The following UNK variants were observed in gnomAD, a reference collection of about 807,000 sequenced individuals.
The protein encoded by UNK is unk zinc finger, also known as RING finger protein unkempt homolog.
In UNK, 32 loss-of-function variants were observed where a neutral mutation model predicts 97.6. That is an observed-to-expected ratio of 0.33 (90% CI 0.25 to 0.44). The LOEUF is 0.44. Ranked by LOEUF, UNK falls within the 20% of genes least tolerant of loss-of-function variation. UNK has a pLI of 1.00. For synonymous variants in UNK, 441 were observed against 461.2 expected, an observed-to-expected ratio of 0.96 and a Z score of 0.56; for missense variants, 771 against 1,098.4, an observed-to-expected ratio of 0.70 and a Z score of 4.21.
intron 1 of UNK, among the ~76,000 whole-genome samples, chr17:75,803,565 C>T (rs547384669): frequency 4.9e-4 from 74 of 152,270 alleles, no homozygotes; most frequent in Admixed American, 3.2e-3. Context: ...ATTTACAAAA[C>T]TTGTGAAAAT....
Position 75,816,919 on chromosome 17 carries a change from G to A in UNK, c.1104+7G>A. On this transcript the variant is annotated splice_region_variant and intron_variant, in intron 8 of 15. Transcript: ENST00000589666. The surrounding 1 kb of genome is among the most constrained non-coding windows in gnomAD (Gnocchi z 4.0). Reference sequence around the variant, plus strand: ...TGCCCCTGACCTCAGTGCCGTACGTGTCCATCCTGGGGAGTGGGTGGGCAC... The same window carrying A: ...TGCCCCTGACCTCAGTGCCGTACGTATCCATCCTGGGGAGTGGGTGGGCAC... 6.3e-7 allele frequency: 1 copy of A among 1,598,530 alleles called. No individual in the cohort carries two copies. The highest frequency in any genetic ancestry group is 1.3e-5 in the African/African-American group (1 of 74,940).
At chr17:75,788,506 TTTTA>T (rs1201903868) in intron 1 of UNK, among the ~76,000 whole-genome samples, 2 of 151,962 alleles carry the variant, frequency 1.3e-5, no homozygotes, top group South Asian at 2.1e-4. Context: ...CTTTTTAAAC[TTTTA>T]TTTATTTATT....
chr17:75,802,375 A>C (rs1245874376), intron 1 of UNK, among the ~76,000 whole-genome samples: 1 of 146,108 alleles, frequency 6.8e-6, no homozygotes, highest in East Asian at 2.0e-4. Context: ...CTTTCACTTC[A>C]GCCTCCCAAG....
At chr17:75,785,190 C>G in intron 1 of UNK, 2 of 512,184 alleles carry the variant, frequency 3.9e-6, no homozygotes, top group Non-Finnish European at 6.8e-6. Context: ...GGGCGGGAAA[C>G]TCGGTCCCGG....
Position 75,816,134 on chromosome 17 carries a change from C to T in UNK, c.962-636C>T, listed in dbSNP as rs568966821. On this transcript the variant is annotated intron_variant, in intron 7 of 15. Transcript: ENST00000589666. The surrounding 1 kb of genome is among the most constrained non-coding windows in gnomAD (Gnocchi z 4.0). ...GGGCTCAGTAGCCACATGTGGCTTT[C>T]GGCTGCCTTGTGGGACAGTGTGGGT... Among the ~76,000 whole-genome samples the T allele has an allele frequency of 5.3e-4, 81 of 152,282 alleles. No homozygotes were observed. The East Asian group carries it at 0.013, about 25-fold the overall frequency.
intron 1 of UNK, 125 bp downstream of exon 1, chr17:75,785,109 C>G: frequency 1.6e-6 from 1 of 641,084 alleles, no homozygotes; most frequent in East Asian, 3.2e-5. Context: ...CGGCCCGGCC[C>G]AGACCGGTTC....
chr17:75,812,545 C>T lies in UNK; in HGVS notation c.582C>T (p.Ala194=), dbSNP rs755832815. The T allele has an allele frequency of 9.9e-6, 16 of 1,613,210 alleles. No homozygotes were observed. In the East Asian group the frequency reaches 3.3e-4, roughly 34 times the overall value. ...AGTCGGCTGGGGCTGCGAGCCATGC[C>T]ATGATAGAAAAGATCCTCAGCGAGG... ...EGQSAGAASH[A]MIEKILSEEP... is the part of the protein sequence containing the mutation. The change falls in exon 4 of 16, where the codon GCC becomes GCT. Residue 194 remains alanine (A), a synonymous_variant. Transcript: ENST00000589666.
intron 1 of UNK, among the ~76,000 whole-genome samples, chr17:75,803,749 C>T (rs2061884981): frequency 1.3e-5 from 2 of 152,200 alleles, no homozygotes; most frequent in South Asian, 4.1e-4. Context: ...ATGTGCCCTG[C>T]CGCGCAGTAG....
In UNK at chr17:75,822,441, C is replaced by G. The variant is rs757052631; in HGVS notation, c.1838-36C>G. The G allele has an allele frequency of 3.8e-6, 6 of 1,573,560 alleles. No individual in the cohort carries two copies. In the East Asian group the frequency reaches 1.4e-4, roughly 36 times the overall value. ...GCTGGCCAGGGCCTGGGCCCAAAGC[C>G]CTCCGGAGCTGATGTTCTTCCCCTC... On this transcript the variant is annotated intron_variant, in intron 13 of 15. Transcript: ENST00000589666.
chr17:75,786,369 A>C (rs995222481), intron 1 of UNK, among the ~76,000 whole-genome samples: 2 of 152,226 alleles, frequency 1.3e-5, no homozygotes, highest in African/African-American at 2.4e-5. Flanking sequence ...TGTTTTTAGC[A>C]AAATAAACAC....
rs1280333565 is a variant in UNK, at chr17:75,818,568, CCCTCTCCAG to C, written c.1372-67_1372-59del. The C allele has an allele frequency of 8.7e-6, 13 of 1,492,106 alleles. No individual in the cohort carries two copies. The highest frequency in any genetic ancestry group is 1.4e-5 in the African/African-American group (1 of 71,590). 92.4% of individuals were successfully genotyped at this position (1,492,106 alleles called of 1,614,324 possible). A position where few individuals can be genotyped will look rare whatever the true frequency, so the allele number is the denominator to read the frequency against. On this transcript the variant is annotated intron_variant, in intron 10 of 15. Transcript: ENST00000589666. The surrounding 1 kb of genome is among the most constrained non-coding windows in gnomAD (Gnocchi z 5.1). Reference sequence around the variant, plus strand: ...ACGGGCCATTTCCCTTGCCCCCAGCCCCTCTCCAGCCTCTCGTCCTGGCCTCCGTATGCA... The same window carrying C: ...ACGGGCCATTTCCCTTGCCCCCAGCCCCTCTCGTCCTGGCCTCCGTATGCA...
Position 75,819,597 on chromosome 17 carries a change from C to A in UNK, c.1547-87C>A. The A allele has an allele frequency of 2.4e-6, 3 of 1,234,904 alleles. No homozygotes were observed. Among genetic ancestry groups the A allele is most frequent in the Admixed American group, 1.7e-5 (1 of 57,862 alleles). 76.5% of individuals were successfully genotyped at this position (1,234,904 alleles called of 1,614,324 possible). A position where few individuals can be genotyped will look rare whatever the true frequency, so the allele number is the denominator to read the frequency against. On this transcript the variant is annotated intron_variant, in intron 11 of 15. Coordinates refer to ENST00000589666, the MANE Select transcript of UNK (RefSeq NM_001080419.3). This position sits in a 1 kb window ranked among gnomAD's most constrained non-coding sequence, Gnocchi z 5.4. ...GAATACGGACCCAGCGTAGCATGGG[C>A]GTGAAGATGCAGCGTGGGCAGTAGA...
chr17:75,824,306 A>G lies in UNK; in HGVS notation c.2322A>G (p.Glu774=). The G allele has an allele frequency of 6.2e-7, 1 of 1,604,856 alleles. No homozygotes were observed. The highest frequency in any genetic ancestry group is 8.5e-7 in the Non-Finnish European group (1 of 1,176,420). ...CGGTGAAATGCCTTAAGTGTCAGGA[A>G]CAGAAGCGGGCAGTGCTGCCGTGCC... ...MQSVKCLKCQ[E]QKRAVLPCQH... The change falls in exon 16 of 16, where the codon GAA becomes GAG. Residue 774 remains glutamate, a synonymous_variant. Transcript: ENST00000589666. This position sits in a 1 kb window ranked among gnomAD's most constrained non-coding sequence, Gnocchi z 4.9.
intron 1 of UNK, among the ~76,000 whole-genome samples, chr17:75,799,074 A>AC (rs2061833060): frequency 6.6e-6 from 1 of 151,582 alleles, no homozygotes. Context: ...TCAAAAACAA[A>AC]AAAAAAAAAG....
rs74585148 is a variant in UNK at position 75,816,350 on chromosome 17, T to C, written c.962-420T>C. The stretch of plus-strand genomic sequence containing the variant: ...GGCCCTGGGCGGGAGAAGCATATTC[T>C]TGATGCAGAGGTGGTCCCCGGCCAT... On this transcript the variant is annotated intron_variant, in intron 7 of 15. Coordinates refer to ENST00000589666, the MANE Select transcript of UNK (RefSeq NM_001080419.3). This position sits in a 1 kb window ranked among gnomAD's most constrained non-coding sequence, Gnocchi z 4.0. 6.6e-6 allele frequency among the ~76,000 whole-genome samples: 1 copy of C among 152,190 alleles called. No homozygotes were observed. Among genetic ancestry groups the C allele is most frequent in the Non-Finnish European group, 1.5e-5 (1 of 68,040 alleles).
intron 14 of UNK, 48 bp from the exon 15 acceptor site, chr17:75,823,217 A>AGGGGC (rs745438363): frequency 2.6e-6 from 4 of 1,528,526 alleles, no homozygotes; most frequent in Admixed American, 4.1e-5. Context: ...CTCTGGGGAC[A>AGGGGC]GGGGCAGGGC....
chr17:75,815,421 T>A (rs1599384385), intron 7 of UNK, among the ~76,000 whole-genome samples, 168 bp downstream of exon 7: 2 of 152,224 alleles, frequency 1.3e-5, no homozygotes, highest in East Asian at 3.9e-4. Context: ...CCCACCTTTC[T>A]GGAAGTAGCC....
At chr17:75,800,311 TC>T (rs1567797666) in intron 1 of UNK, among the ~76,000 whole-genome samples, 2 of 151,938 alleles carry the variant, frequency 1.3e-5, no homozygotes, top group Admixed American at 6.6e-5. Flanking sequence ...GCTCAAGCGA[TC>T]CACCCGCCTT....
At chr17:75,821,790 C>T (rs767492015) in intron 13 of UNK, 1 of 452,358 alleles carries the variant, frequency 2.2e-6, no homozygotes, top group African/African-American at 2.0e-5. Flanking sequence ...TGTTAGTAAA[C>T]ATCTGTTGAG....
Sources: gnomAD v4.1 joint callset for allele counts (sites outside exome capture counted in the v4.1 genomes callset) on GRCh38, gnomAD v4.1.1 for gene constraint, Gnocchi (gnomAD v3.1) non-coding constraint, MANE v1.5 for transcripts, NCBI Gene and HGNC (gene_info 2026-07-23, HGNC 2026-07-21) for gene names.